ATP2B2: variants seen among roughly 807,000 people sequenced by gnomAD.
The protein encoded by ATP2B2 is ATPase plasma membrane Ca2+ transporting 2, also known as plasma membrane calcium-transporting ATPase 2.
ATP2B2 carries 15 observed loss-of-function variants against 120.0 expected under a neutral mutation model. The ratio of observed to expected loss-of-function variants is 0.12; its 90% CI spans 0.08 to 0.19. The LOEUF (loss-of-function observed/expected upper bound fraction) is 0.19. Among genes scored for constraint, ATP2B2 ranks in the 10% least tolerant of loss-of-function variants. The pLI, the probability that ATP2B2 is intolerant of heterozygous loss-of-function variation, is 1.00. For synonymous variants in ATP2B2, 694 were observed against 700.3 expected, an observed-to-expected ratio of 0.99 and a Z score of 0.14; for missense variants, 1,045 against 1,719.8, an observed-to-expected ratio of 0.61 and a Z score of 6.94.
intron 1 of ATP2B2, among the ~76,000 whole-genome samples, chr3:10,489,957 A>C (rs1003425894): frequency 6.6e-6 from 1 of 152,184 alleles, no homozygotes; most frequent in Non-Finnish European, 1.5e-5. Context: ...TCTGCCCTGC[A>C]CTACTGGTGG....
Position 10,704,125 on chromosome 3 carries a change from G to A in ATP2B2, c.-460+3790C>T, listed in dbSNP as rs545921314. Among the ~76,000 whole-genome samples the A allele has an allele frequency of 2.7e-4, 41 of 152,272 alleles. 1 individual carries two copies. The highest frequency in any genetic ancestry group is 6.5e-4 in the Admixed American group (10 of 15,298). On this transcript the variant is annotated intron_variant, in intron 1 of 21. Transcript: ENST00000646379. Reference sequence around the variant, plus strand: ...GCCCTGTGTGGCATAGCATGTCCTCGCCTCTTAGGAATCTCAAGTAAAATT... The same window carrying A: ...GCCCTGTGTGGCATAGCATGTCCTCACCTCTTAGGAATCTCAAGTAAAATT...
At chr3:10,622,112 G>A (rs573903751) in intron 1 of ATP2B2, among the ~76,000 whole-genome samples, 12 of 152,206 alleles carry the variant, frequency 7.9e-5, no homozygotes, top group South Asian at 2.1e-4. Context: ...CCTTCCAGCC[G>A]TGCTCCAGGG....
chr3:10,407,730 G>T (rs2062465339), intron 3 of ATP2B2, among the ~76,000 whole-genome samples: 1 of 152,208 alleles, frequency 6.6e-6, no homozygotes, highest in Admixed American at 6.5e-5. Flanking sequence ...GAATTGTGGG[G>T]TGTTGAACGT....
intron 2 of ATP2B2, among the ~76,000 whole-genome samples, chr3:10,536,455 C>T (rs1021195464): frequency 6.7e-6 from 1 of 149,744 alleles, no homozygotes; most frequent in Non-Finnish European, 1.5e-5. Context: ...GTCTTTCTTC[C>T]TCTCCTTCCT....
At chr3:10,476,357 C>A (rs530418298) in intron 1 of ATP2B2, among the ~76,000 whole-genome samples, 3 of 152,206 alleles carry the variant, frequency 2.0e-5, no homozygotes, top group Non-Finnish European at 2.9e-5. Context: ...GCCCTCACCC[C>A]ACAAGGACTC....
intron 6 of ATP2B2, among the ~76,000 whole-genome samples, chr3:10,387,577 G>A (rs2061716739): frequency 6.6e-6 from 1 of 152,226 alleles, no homozygotes. Flanking sequence ...CCAGAAGCCT[G>A]GGCCTTTGGA....
intron 3 of ATP2B2, among the ~76,000 whole-genome samples, chr3:10,532,257 A>C (rs1160676127): frequency 1.3e-5 from 2 of 152,236 alleles, no homozygotes; most frequent in Non-Finnish European, 2.9e-5. Flanking sequence ...TCATAAAGGC[A>C]CATGAGAGGT....
At chr3:10,469,796 G>A (rs2064906036) in intron 1 of ATP2B2, among the ~76,000 whole-genome samples, 1 of 152,160 alleles carries the variant, frequency 6.6e-6, no homozygotes, top group Non-Finnish European at 1.5e-5. Context: ...GTCCTTCCTG[G>A]GCTAGCCAGG....
chr3:10,699,249 C>T (rs1433479932), intron 1 of ATP2B2, among the ~76,000 whole-genome samples: 10 of 152,136 alleles, frequency 6.6e-5, no homozygotes, highest in Admixed American at 6.5e-4. Context: ...GACATGTGTC[C>T]AGGGGTCCAC....
intron 1 of ATP2B2, among the ~76,000 whole-genome samples, chr3:10,621,053 G>A (rs1360947184): frequency 2.0e-5 from 3 of 152,128 alleles, no homozygotes; most frequent in East Asian, 3.9e-4. Flanking sequence ...ACTTGGTGCT[G>A]AGCTCTCCTG....
rs367679388 is a variant in ATP2B2 at position 10,340,224 on chromosome 3, G to T, written c.3237+18C>A. On this transcript the variant is annotated intron_variant, in intron 21 of 22. Transcript: ENST00000360273. This position sits in a 1 kb window ranked among gnomAD's most constrained non-coding sequence, Gnocchi z 5.0. The stretch of plus-strand genomic sequence containing the variant: ...TGCCCTGCTAACAGGCACCTCCTGC[G>T]ACCTACCAGGAACTTACCTGGCCCC... 6.2e-7 allele frequency: 1 copy of T among 1,611,186 alleles called. No homozygotes were observed. Among genetic ancestry groups the T allele is most frequent in the East Asian group, 2.2e-5 (1 of 44,852 alleles).
At chr3:10,440,753 T>C (rs550751341) in intron 2 of ATP2B2, among the ~76,000 whole-genome samples, 10 of 152,274 alleles carry the variant, frequency 6.6e-5, no homozygotes, top group African/African-American at 2.2e-4. Flanking sequence ...TTTTTGTCAA[T>C]AGAAAGCAGC....
chr3:10,429,835 T>C (rs1253893046), intron 2 of ATP2B2, among the ~76,000 whole-genome samples: 1 of 152,224 alleles, frequency 6.6e-6, no homozygotes, highest in African/African-American at 2.4e-5. Context: ...GCTACTCCCG[T>C]GAACACCTGA....
intron 12 of ATP2B2, among the ~76,000 whole-genome samples, 187 bp downstream of exon 12, chr3:10,371,622 A>C (rs1282110648): frequency 4.6e-5 from 7 of 152,246 alleles, no homozygotes; most frequent in African/African-American, 1.7e-4. Flanking sequence ...TTTCTTTGTC[A>C]CACAAACATT....
chr3:10,642,194 C>T (rs1023035578), intron 1 of ATP2B2, among the ~76,000 whole-genome samples: 1 of 152,334 alleles, frequency 6.6e-6, no homozygotes, highest in South Asian at 2.1e-4. Context: ...TAGTCAACTT[C>T]CCTGAGCCTC....
At chr3:10,452,348 A>G (rs1424303089) in intron 1 of ATP2B2, among the ~76,000 whole-genome samples, 1 of 152,238 alleles carries the variant, frequency 6.6e-6, no homozygotes, top group African/African-American at 2.4e-5. Flanking sequence ...CAGAGCCTCA[A>G]TACGGCTCCC....
chr3:10,586,779 T>C (rs2068520135), intron 2 of ATP2B2, among the ~76,000 whole-genome samples: 2 of 152,188 alleles, frequency 1.3e-5, no homozygotes, highest in Admixed American at 6.5e-5. Flanking sequence ...CCTCAAAGCT[T>C]GATGGAGACC....
intron 2 of ATP2B2, among the ~76,000 whole-genome samples, chr3:10,607,483 C>T (rs2069117829): frequency 6.6e-6 from 1 of 152,184 alleles, no homozygotes; most frequent in South Asian, 2.1e-4. Context: ...AAGGCAGTGC[C>T]CCATTAGCCA....
chr3:10,513,504 C>T (rs1043421692), intron 3 of ATP2B2, among the ~76,000 whole-genome samples: 1 of 152,154 alleles, frequency 6.6e-6, no homozygotes, highest in Non-Finnish European at 1.5e-5. Context: ...AAGATGAACA[C>T]GAAGCCCTCG....
Sources: gnomAD v4.1 joint callset for allele counts (sites outside exome capture counted in the v4.1 genomes callset) on GRCh38, gnomAD v4.1.1 for gene constraint, Gnocchi (gnomAD v3.1) non-coding constraint, MANE v1.5 for transcripts, NCBI Gene and HGNC (gene_info 2026-07-23, HGNC 2026-07-21) for gene names.